FMR1NB: variants seen among roughly 807,000 people sequenced by gnomAD.
FMR1NB encodes the protein FMR1 neighbor, also known as FMR1 neighbor protein.
In FMR1NB, 10 loss-of-function variants were observed where a neutral mutation model predicts 16.8. The observed-to-expected ratio is 0.60, with a 90% confidence interval of 0.37 to 1.01. FMR1NB has a LOEUF of 1.01. Ranked by LOEUF, FMR1NB falls within the 50% of genes least tolerant of loss-of-function variation. FMR1NB has a pLI of 0.01. For synonymous variants in FMR1NB, 83 were observed against 79.1 expected (o/e 1.05, Z -0.26); for missense variants, 205 against 204.8 (o/e 1.00, Z 0.00).
At chrX:148,019,583 G>A (rs1425908712) in intron 4 of FMR1NB, among the ~76,000 whole-genome samples, 4 of 111,894 alleles carry the variant, frequency 3.6e-5, no homozygotes, top group Non-Finnish European at 7.5e-5. Flanking sequence ...AGGGACTTGA[G>A]TGTTGTGATC....
chrX:148,009,735 T>C (rs782695278), intron 4 of FMR1NB, among the ~76,000 whole-genome samples: 5 of 111,638 alleles, frequency 4.5e-5, no homozygotes, highest in Admixed American at 9.5e-5. Flanking sequence ...TGTTGAAGGT[T>C]AAGCATGTTT....
Position 148,006,853 on chromosome X carries a change from C to T in FMR1NB, c.538+11C>T, listed in dbSNP as rs782498078. 1.7e-6 allele frequency: 2 copies of T among 1,194,305 alleles called. No homozygotes were observed. The highest frequency in any genetic ancestry group is 3.0e-5 in the East Asian group (1 of 33,683). The stretch of plus-strand genomic sequence containing the variant: ...CTCCATTTAGAGATGGTAAGTTATT[C>T]CTCTTTCATTTATTTCTATTTTTTA... On this transcript the variant is annotated intron_variant, in intron 3 of 5. Coordinates refer to ENST00000370467, the MANE Select transcript of FMR1NB (RefSeq NM_152578.3).
rs781923017 is a variant in FMR1NB, at chrX:148,025,008, C to A, written c.*8C>A. 1 of 1,207,758 alleles carries A rather than the reference C, an allele frequency of 8.3e-7. No individual in the cohort carries two copies. The highest frequency in any genetic ancestry group is 1.1e-6 in the Non-Finnish European group (1 of 893,405). ...GAACATGGTGACGAGTAGCAAGAGACCAAAGGTAATTGACAATAGGATATA... is the reference window on the plus strand; with the variant it reads ...GAACATGGTGACGAGTAGCAAGAGAACAAAGGTAATTGACAATAGGATATA... On this transcript the variant is annotated 3_prime_UTR_variant, in exon 5 of 6. Coordinates refer to ENST00000370467, the MANE Select transcript of FMR1NB (RefSeq NM_152578.3).
intron 1 of FMR1NB, 108 bp downstream of exon 1, chrX:147,981,787 C>T (rs979405302): frequency 2.3e-6 from 2 of 878,103 alleles, no homozygotes; most frequent in Non-Finnish European, 3.1e-6. Context: ...GCCTTCCTGC[C>T]CCTTCCTGTC....
In FMR1NB at chrX:148,006,810, C is replaced by G. The variant is rs376382924; in HGVS notation, c.506C>G (p.Thr169Arg). The change falls in exon 3 of 6, where the codon ACG becomes AGG. Residue 169 changes from threonine (T) to arginine (R), a missense_variant. Physicochemically the swap from Thr to Arg is moderately conservative, Grantham distance 71. Coordinates refer to ENST00000370467, the MANE Select transcript of FMR1NB (RefSeq NM_152578.3). Reference sequence around the variant, plus strand: ...TGCTGTTTTTCATCATCGGGGACCACGAGCTTCAAATGTTTTGCTCCATTT... The same window carrying G: ...TGCTGTTTTTCATCATCGGGGACCAGGAGCTTCAAATGTTTTGCTCCATTT... ...HKCCFSSSGTTSFKCFAPFRD... is the reference protein window; with the variant it reads ...HKCCFSSSGTRSFKCFAPFRD... 1 of 1,210,016 alleles carries G rather than the reference C, an allele frequency of 8.3e-7. No individual in the cohort carries two copies. Among genetic ancestry groups the G allele is most frequent in the Admixed American group, 2.2e-5 (1 of 45,752 alleles).
In FMR1NB at chrX:148,003,300, T is replaced by C; in HGVS notation, c.377T>C (p.Leu126Pro). Residue 126 changes from leucine to proline, a missense_variant, in exon 2 of 6, where the codon CTG becomes CCG. By Grantham distance (98) the Leu-to-Pro change is moderately conservative. Coordinates refer to ENST00000370467, the MANE Select transcript of FMR1NB (RefSeq NM_152578.3). ...GAAGATTCCGCATTGGAAGCTTTGC[T>C]GAATTTTTTCTTTCCAACAAGTAAG... Reference protein sequence around the residue: ...LEEDSALEALLNFFFPTTCNL... With the variant: ...LEEDSALEALPNFFFPTTCNL... 8.3e-6 allele frequency: 10 copies of C among 1,211,224 alleles called. No individual in the cohort carries two copies. The highest frequency in any genetic ancestry group is 1.1e-5 in the Non-Finnish European group (10 of 895,107).
At position 148,003,240 on chromosome X, in the gene FMR1NB, C is replaced by T; in HGVS notation, c.317C>T (p.Pro106Leu). 8.3e-7 allele frequency: 1 copy of T among 1,209,757 alleles called. No individual in the cohort carries two copies. Among genetic ancestry groups the T allele is most frequent in the Non-Finnish European group, 1.1e-6 (1 of 893,949 alleles). ...YFVLANGHIL[P>L]NSENAHGQSL... The stretch of plus-strand genomic sequence containing the variant: ...GTGCTTGCAAATGGACATATCCTGC[C>T]CAACAGTGAAAATGCTCATGGCCAA... The change falls in exon 2 of 6, where the codon CCC becomes CTC. Residue 106 changes from proline (P) to leucine (L), a missense_variant. Pro to Leu is a moderately conservative substitution (Grantham distance 98). Coordinates refer to ENST00000370467, the MANE Select transcript of FMR1NB (RefSeq NM_152578.3).
chrX:148,010,529 A>G (rs1302630621), intron 4 of FMR1NB, among the ~76,000 whole-genome samples: 2 of 112,099 alleles, frequency 1.8e-5, no homozygotes, highest in Admixed American at 1.9e-4. Context: ...TCTCCTTAGA[A>G]CGATTTCCTT....
chrX:148,005,726 G>T (rs1395233725), intron 2 of FMR1NB, among the ~76,000 whole-genome samples: 2 of 111,663 alleles, frequency 1.8e-5, no homozygotes, highest in African/African-American at 6.5e-5. Flanking sequence ...GGCCCAAACA[G>T]GTGCCTAAAT....
intron 1 of FMR1NB, among the ~76,000 whole-genome samples, chrX:148,000,999 C>T (rs183822029): frequency 1.8e-5 from 2 of 111,676 alleles, no homozygotes; most frequent in African/African-American, 3.2e-5. Flanking sequence ...TGAGAACTAA[C>T]GAGAGTTAAC....
At chrX:148,011,417 A>T (rs1335849582) in intron 4 of FMR1NB, among the ~76,000 whole-genome samples, 1 of 111,712 alleles carries the variant, frequency 9.0e-6, no homozygotes, top group Non-Finnish European at 1.9e-5. Context: ...TATTGACCAT[A>T]TTCATTGAAT....
intron 1 of FMR1NB, among the ~76,000 whole-genome samples, chrX:147,994,072 G>C (rs781859074): frequency 9.0e-6 from 1 of 111,237 alleles, no homozygotes; most frequent in Non-Finnish European, 1.9e-5. Context: ...CGTATTTTAT[G>C]TTCTCATCTG....
At chrX:148,014,534 C>G (rs1417969154) in intron 4 of FMR1NB, among the ~76,000 whole-genome samples, 1 of 112,194 alleles carries the variant, frequency 8.9e-6, no homozygotes, top group East Asian at 2.8e-4. Flanking sequence ...AAGGAACACA[C>G]ATAGTCTGTG....
chrX:148,000,502 C>T (rs1305210072), intron 1 of FMR1NB, among the ~76,000 whole-genome samples: 2 of 112,075 alleles, frequency 1.8e-5, no homozygotes, highest in Non-Finnish European at 3.8e-5. Flanking sequence ...AATCATGAAT[C>T]CTATATAAAA....
intron 2 of FMR1NB, among the ~76,000 whole-genome samples, chrX:148,006,465 A>G (rs2044596772): frequency 8.9e-6 from 1 of 112,370 alleles, no homozygotes; most frequent in African/African-American, 3.2e-5. Flanking sequence ...AAACTATCTT[A>G]CCAAAGATTT....
At chrX:148,001,292 A>G (rs1280853050) in intron 1 of FMR1NB, among the ~76,000 whole-genome samples, 1 of 112,347 alleles carries the variant, frequency 8.9e-6, no homozygotes, top group Non-Finnish European at 1.9e-5. Context: ...ATTTAATTGA[A>G]TTCATGCCTA....
intron 4 of FMR1NB, among the ~76,000 whole-genome samples, chrX:148,023,026 C>T (rs1365232810): frequency 2.7e-5 from 3 of 111,538 alleles, no homozygotes; most frequent in African/African-American, 9.8e-5. Context: ...TCCTTCTAGT[C>T]ATTATTTAAT....
chrX:148,022,164 T>TA (rs1557190646), intron 4 of FMR1NB, among the ~76,000 whole-genome samples: 6 of 111,656 alleles, frequency 5.4e-5, no homozygotes, highest in Non-Finnish European at 9.4e-5. Context: ...ACTCTGAGTC[T>TA]CATAAAGTGT....
intron 4 of FMR1NB, among the ~76,000 whole-genome samples, chrX:148,023,296 A>C (rs12007857): frequency 0.041 from 4,568 of 111,437 alleles, 156 homozygotes; most frequent in African/African-American, 0.11. Context: ...AATCATATAA[A>C]TATATTTTTT....
Sources: gnomAD v4.1 joint callset for allele counts (sites outside exome capture counted in the v4.1 genomes callset) on GRCh38, gnomAD v4.1.1 for gene constraint, MANE v1.5 for transcripts, NCBI Gene and HGNC (gene_info 2026-07-23, HGNC 2026-07-21) for gene names.